Variants in VOPP1 observed in about 807,000 individuals in gnomAD.
VOPP1 encodes the protein VOPP1 WW domain binding protein.
A neutral mutation model predicts 23.5 loss-of-function variants in VOPP1; 8 were observed. That is an observed-to-expected ratio of 0.34 (90% CI 0.20 to 0.61). VOPP1 has a LOEUF of 0.61. Among genes scored for constraint, VOPP1 ranks in the 20% least tolerant of loss-of-function variants. The probability of loss-of-function intolerance (pLI) is 0.78; values close to 1 mark genes in which losing one functional copy is unlikely to be tolerated. For missense variants in VOPP1, 174 were observed against 238.1 expected (o/e 0.73, Z 1.77); for synonymous variants, 83 against 97.3 (o/e 0.85, Z 0.86).
intron 4 of VOPP1, among the ~76,000 whole-genome samples, chr7:55,444,886 T>G (rs1260199767): frequency 2.0e-5 from 3 of 152,214 alleles, no homozygotes; most frequent in Non-Finnish European, 4.4e-5. Flanking sequence ...TTTCTTAAAT[T>G]TGGCATTATT....
rs1223378449 is a variant in VOPP1, at chr7:55,542,734, G to A, written c.55-21604C>T. Among the ~76,000 whole-genome samples the A allele has an allele frequency of 2.0e-5, 3 of 151,292 alleles. No homozygotes were observed. The East Asian group carries it at 5.8e-4, about 29-fold the overall frequency. ...GAACCCTAGAAGCAGAGGTTGCAGT[G>A]AACCGAGATCGTGCCATTGTACTCC... On this transcript the variant is annotated intron_variant, in intron 1 of 4. Transcript: ENST00000285279.
intron 1 of VOPP1, among the ~76,000 whole-genome samples, chr7:55,565,820 A>G (rs967074572): frequency 6.6e-6 from 1 of 152,110 alleles, no homozygotes; most frequent in Non-Finnish European, 1.5e-5. Context: ...AAAGGTTTTG[A>G]TGCTGCCAGT....
chr7:55,567,128 C>T (rs966979975), intron 1 of VOPP1, among the ~76,000 whole-genome samples: 2 of 152,210 alleles, frequency 1.3e-5, no homozygotes, highest in African/African-American at 4.8e-5. Context: ...TCTTCTTTTC[C>T]CACTGCCCAT....
chr7:55,569,672 T>C (rs1562638341), intron 1 of VOPP1, among the ~76,000 whole-genome samples: 1 of 152,258 alleles, frequency 6.6e-6, no homozygotes, highest in Non-Finnish European at 1.5e-5. Flanking sequence ...GCAGTTACCC[T>C]GGAGCACTCT....
chr7:55,572,155 G>T, intron 1 of VOPP1, 116 bp downstream of exon 1: 1 of 780,658 alleles, frequency 1.3e-6, no homozygotes, highest in Non-Finnish European at 1.9e-6. Context: ...GCTCCCCGTC[G>T]CTCCACCGTC....
chr7:55,481,453 A>C (rs1792703911), intron 4 of VOPP1, among the ~76,000 whole-genome samples: 1 of 152,186 alleles, frequency 6.6e-6, no homozygotes, highest in Non-Finnish European at 1.5e-5. Flanking sequence ...AGTCTGAATA[A>C]AGGGTGGTAG....
chr7:55,460,832 A>C (rs1791481517), intron 4 of VOPP1, among the ~76,000 whole-genome samples: 1 of 152,206 alleles, frequency 6.6e-6, no homozygotes, highest in Non-Finnish European at 1.5e-5. Context: ...TGTGTGGAAT[A>C]TCTTTTTCCA....
chr7:55,455,034 A>G (rs767182457), intron 4 of VOPP1, among the ~76,000 whole-genome samples: 1 of 152,194 alleles, frequency 6.6e-6, no homozygotes, highest in Non-Finnish European at 1.5e-5. Context: ...GTTTGCAGAC[A>G]GCATGATTGT....
intron 2 of VOPP1, among the ~76,000 whole-genome samples, chr7:55,506,588 T>C (rs752614136): frequency 6.6e-6 from 1 of 151,478 alleles, no homozygotes; most frequent in Non-Finnish European, 1.5e-5. Context: ...CCGCCTGTCT[T>C]GGCCTCCTAA....
At chr7:55,488,414 T>A (rs184155235) in intron 4 of VOPP1, among the ~76,000 whole-genome samples, 131 of 152,290 alleles carry the variant, frequency 8.6e-4, no homozygotes, top group Middle Eastern at 3.4e-3. Context: ...CTGCAGCCTT[T>A]GGGTCCTGGT....
At chr7:55,543,646 C>G in intron 1 of VOPP1, among the ~76,000 whole-genome samples, 1 of 151,688 alleles carries the variant, frequency 6.6e-6, no homozygotes, top group African/African-American at 2.4e-5. Context: ...TTGCATTTCC[C>G]TAATGATTAG....
Position 55,572,409 on chromosome 7 carries a change from A to C in VOPP1, c.-85T>G, listed in dbSNP as rs927075173. ...CGGCCCCCGCGCGGGGCGGGCGGGC[A>C]GACTGCAGCCGGGAGCCGTCCCGCC... On this transcript the variant is annotated 5_prime_UTR_variant, in exon 1 of 5. Coordinates refer to ENST00000285279, the MANE Select transcript of VOPP1 (RefSeq NM_030796.5). The C allele has an allele frequency of 9.9e-7, 1 of 1,008,300 alleles. No individual in the cohort carries two copies. The highest frequency in any genetic ancestry group is 1.7e-5 in the African/African-American group (1 of 57,982). The allele number at this position is 1,008,300 out of a possible 1,614,324, so 62.5% of individuals were successfully genotyped here.
chr7:55,489,249 G>C (rs979556043), intron 4 of VOPP1, among the ~76,000 whole-genome samples: 1 of 152,222 alleles, frequency 6.6e-6, no homozygotes, highest in Non-Finnish European at 1.5e-5. Context: ...TCATATGACA[G>C]TCTGGATATC....
intron 4 of VOPP1, among the ~76,000 whole-genome samples, chr7:55,443,100 CAG>C (rs1379218569): frequency 6.6e-6 from 1 of 151,436 alleles, no homozygotes; most frequent in African/African-American, 2.4e-5. Flanking sequence ...GCCCGGGTGA[CAG>C]AGCAAGACTC....
intron 2 of VOPP1, chr7:55,516,116 T>C: frequency 3.1e-6 from 2 of 641,404 alleles, no homozygotes; most frequent in Non-Finnish European, 3.9e-6. Flanking sequence ...AATCACATGT[T>C]ACTAAGAGCA....
chr7:55,500,818 G>A (rs1004608393), intron 2 of VOPP1, among the ~76,000 whole-genome samples: 2 of 152,208 alleles, frequency 1.3e-5, no homozygotes, highest in African/African-American at 4.8e-5. Flanking sequence ...CTCCAGCCCA[G>A]GTCACTGTCT....
intron 2 of VOPP1, among the ~76,000 whole-genome samples, chr7:55,499,279 CCT>C (rs1182201680): frequency 1.1e-4 from 16 of 152,302 alleles, no homozygotes; most frequent in African/African-American, 3.4e-4. Context: ...ATGGTGAAAC[CCT>C]GTCTCTACTA....
intron 4 of VOPP1, among the ~76,000 whole-genome samples, chr7:55,444,125 C>T (rs1030258947): frequency 6.6e-6 from 1 of 152,010 alleles, no homozygotes; most frequent in Non-Finnish European, 1.5e-5. Context: ...CTGCCGTACC[C>T]GGCCGTAACT....
chr7:55,474,251 C>T (rs1038789983), intron 4 of VOPP1, among the ~76,000 whole-genome samples: 3 of 152,240 alleles, frequency 2.0e-5, no homozygotes, highest in Admixed American at 6.5e-5. Context: ...GCATCTCACC[C>T]GCTGCCTTGG....
Sources: gnomAD v4.1 joint callset for allele counts (sites outside exome capture counted in the v4.1 genomes callset) on GRCh38, gnomAD v4.1.1 for gene constraint, MANE v1.5 for transcripts, NCBI Gene and HGNC (gene_info 2026-07-23, HGNC 2026-07-21) for gene names.